Variants in PEX5L observed in about 807,000 individuals in gnomAD.
PEX5L encodes peroxisomal biogenesis factor 5 like.
Under a neutral mutation model 84.0 loss-of-function variants are expected in PEX5L, and 30 were observed. The observed-to-expected ratio is 0.36, with a 90% confidence interval of 0.27 to 0.48. The LOEUF (loss-of-function observed/expected upper bound fraction) is 0.48. PEX5L is among the 20% of genes least tolerant of loss of function. PEX5L has a pLI of 0.99. For missense variants in PEX5L, 533 were observed against 754.6 expected, an observed-to-expected ratio of 0.71 and a Z score of 3.44; for synonymous variants, 270 against 283.1, an observed-to-expected ratio of 0.95 and a Z score of 0.46.
At chr3:179,888,567 G>A (rs41467545) in intron 3 of PEX5L, among the ~76,000 whole-genome samples, 4,240 of 151,108 alleles carry the variant, frequency 0.028, 91 homozygotes, top group Middle Eastern at 0.068. Context: ...TTTGAATCCC[G>A]TCTTGCCGAG....
intron 7 of PEX5L, among the ~76,000 whole-genome samples, chr3:179,872,117 T>A (rs1750613159): frequency 6.6e-6 from 1 of 152,192 alleles, no homozygotes; most frequent in South Asian, 2.1e-4. Flanking sequence ...ACTCCTGGGC[T>A]CAAGTGATCT....
At chr3:179,817,510 T>C (rs1262222075) in intron 9 of PEX5L, among the ~76,000 whole-genome samples, 1 of 152,214 alleles carries the variant, frequency 6.6e-6, no homozygotes, top group Non-Finnish European at 1.5e-5. Context: ...TACCTTAGGA[T>C]AGACTCCCAG....
chr3:179,855,102 A>AC (rs1235212321), intron 8 of PEX5L, among the ~76,000 whole-genome samples: 2 of 152,220 alleles, frequency 1.3e-5, no homozygotes, highest in Non-Finnish European at 2.9e-5. Flanking sequence ...TGGGAGAGGA[A>AC]CAGAGAGAAA....
Position 179,823,147 on chromosome 3 carries a change from C to T in PEX5L, c.823-3171G>A, listed in dbSNP as rs554443778. Among the ~76,000 whole-genome samples the T allele has an allele frequency of 4.1e-4, 62 of 152,224 alleles. 1 individual carries two copies. The South Asian group carries it at 9.9e-3, about 24-fold the overall frequency. On this transcript the variant is annotated intron_variant, in intron 8 of 14. Coordinates refer to ENST00000467460, the MANE Select transcript of PEX5L (RefSeq NM_016559.3). ...GAATAAAACAAAAATCACGCACAAT[C>T]GCAAAGCTCAAATATAAAAGCTGTG...
Position 179,797,955 on chromosome 3 carries a change from T to G in PEX5L, c.*3873A>C, listed in dbSNP as rs529364981. ...GATTCAGGGCAAATGAGGAAGGGTC[T>G]CAGAATGATCAACTTGCTTTCTCTG... On this transcript the variant is annotated 3_prime_UTR_variant, in exon 15 of 15. Transcript: ENST00000467460. 6.6e-6 allele frequency: 1 copy of G among 152,172 alleles called. No individual in the cohort carries two copies. The highest frequency in any genetic ancestry group is 1.5e-5 in the Non-Finnish European group (1 of 68,030). 9.4% of individuals were successfully genotyped at this position (152,172 alleles called of 1,614,324 possible).
At chr3:179,946,033 C>G (rs1190435405) in intron 2 of PEX5L, among the ~76,000 whole-genome samples, 1 of 145,534 alleles carries the variant, frequency 6.9e-6, no homozygotes. Flanking sequence ...TTTTTTTTTG[C>G]ATCTGAATGT....
At chr3:179,866,432 A>T (rs901404827) in intron 7 of PEX5L, among the ~76,000 whole-genome samples, 2 of 152,184 alleles carry the variant, frequency 1.3e-5, no homozygotes, top group Non-Finnish European at 2.9e-5. Flanking sequence ...CCTTGGACAA[A>T]TTACTTAAAC....
chr3:179,999,423 T>C (rs1474295599), intron 1 of PEX5L, among the ~76,000 whole-genome samples: 3 of 152,100 alleles, frequency 2.0e-5, no homozygotes, highest in African/African-American at 7.2e-5. Flanking sequence ...GAGTTACACA[T>C]GGGCTCAGCA....
chr3:179,803,973 C>G (rs1052569343), intron 14 of PEX5L: 5 of 152,100 alleles, frequency 3.3e-5, no homozygotes, highest in African/African-American at 9.7e-5. Flanking sequence ...GACCTTTTTG[C>G]CCCCACTTCA....
intron 7 of PEX5L, among the ~76,000 whole-genome samples, chr3:179,866,177 A>G (rs1423815046): frequency 6.6e-6 from 1 of 152,160 alleles, no homozygotes; most frequent in Non-Finnish European, 1.5e-5. Context: ...GGAATGTTGT[A>G]TTTTATTTTC....
At position 179,990,381 on chromosome 3, in the gene PEX5L, C is replaced by T. The variant is rs201665625; in HGVS notation, c.22-18716G>A. Among the ~76,000 whole-genome samples, 20 of 149,356 alleles carry T rather than the reference C, an allele frequency of 1.3e-4. No homozygotes were observed. The East Asian group carries it at 1.8e-3, about 13-fold the overall frequency. ...TTTCATTAGCTCCTATTTCTCCTCA[C>T]GGTATGTCATTCTGATATCTTTTTT... On this transcript the variant is annotated intron_variant, in intron 1 of 14. Transcript: ENST00000467460.
At chr3:179,989,750 A>G (rs761062908) in intron 1 of PEX5L, among the ~76,000 whole-genome samples, 2 of 152,228 alleles carry the variant, frequency 1.3e-5, no homozygotes, top group Non-Finnish European at 2.9e-5. Context: ...TTCCATGAAT[A>G]TTGTTTATCA....
chr3:179,870,599 G>T lies in PEX5L; in HGVS notation c.726+3728C>A, dbSNP rs553445282. Among the ~76,000 whole-genome samples, 366 of 152,138 alleles carry T rather than the reference G, an allele frequency of 2.4e-3. 1 individual carries two copies. Among genetic ancestry groups the T allele is most frequent in the African/African-American group, 8.7e-3 (359 of 41,480 alleles). ...TACCAGGCTATTGTCTGTTCTTCAG[G>T]CCCCTTCATTTCCCCTAAAAATAAT... On this transcript the variant is annotated intron_variant, in intron 7 of 14. Coordinates refer to ENST00000467460, the MANE Select transcript of PEX5L (RefSeq NM_016559.3).
In PEX5L at chr3:179,889,196, C is replaced by T. The variant is rs144611009; in HGVS notation, c.199-1412G>A. On this transcript the variant is annotated intron_variant, in intron 3 of 14. Coordinates refer to ENST00000467460, the MANE Select transcript of PEX5L (RefSeq NM_016559.3). ...TATTTTATATTACTCTACTCACCTT[C>T]GCTACATTGTTTCTCTGGCACAGTG... is the stretch of plus-strand genomic sequence containing the variant. 3.0e-3 allele frequency among the ~76,000 whole-genome samples: 456 copies of T among 152,276 alleles called. 1 individual carries two copies. Among genetic ancestry groups the T allele is most frequent in the African/African-American group, 0.01 (423 of 41,570 alleles).
intron 1 of PEX5L, among the ~76,000 whole-genome samples, chr3:179,979,045 G>A (rs1484615384): frequency 2.0e-5 from 3 of 152,110 alleles, no homozygotes; most frequent in African/African-American, 4.8e-5. Flanking sequence ...TACCTGCAAC[G>A]AAAGTGGCAA....
intron 2 of PEX5L, among the ~76,000 whole-genome samples, chr3:179,912,469 A>G (rs1187231241): frequency 6.6e-6 from 1 of 152,104 alleles, no homozygotes; most frequent in East Asian, 1.9e-4. Flanking sequence ...TATATGTACA[A>G]AAAATTAATC....
Position 179,811,793 on chromosome 3 carries a change from T to C in PEX5L, c.1154+8A>G. On this transcript the variant is annotated splice_region_variant and intron_variant, in intron 11 of 14. Coordinates refer to ENST00000467460, the MANE Select transcript of PEX5L (RefSeq NM_016559.3). ...CAGGCCCATGATTTTGCACTTAGCT[T>C]CCTTTACCTCTGGAGGGCGACAATA... is the stretch of plus-strand genomic sequence containing the variant. The C allele has an allele frequency of 6.2e-7, 1 of 1,610,142 alleles. No individual in the cohort carries two copies.
intron 14 of PEX5L, among the ~76,000 whole-genome samples, chr3:179,804,546 C>G (rs1310998880): frequency 1.3e-5 from 2 of 152,136 alleles, no homozygotes; most frequent in Admixed American, 6.5e-5. Context: ...AAGTTTCACA[C>G]CAACAATTTC....
At chr3:179,817,169 T>C (rs1726463472) in intron 9 of PEX5L, among the ~76,000 whole-genome samples, 1 of 152,252 alleles carries the variant, frequency 6.6e-6, no homozygotes, top group East Asian at 1.9e-4. Context: ...GGGGGCTATA[T>C]TGCCCCTGTT....
Sources: gnomAD v4.1 joint callset for allele counts (sites outside exome capture counted in the v4.1 genomes callset) on GRCh38, gnomAD v4.1.1 for gene constraint, MANE v1.5 for transcripts, NCBI Gene and HGNC (gene_info 2026-07-23, HGNC 2026-07-21) for gene names.